Variants in ATP10A observed in about 807,000 individuals in gnomAD.
ATP10A encodes ATPase phospholipid transporting 10A (putative), also known as phospholipid-transporting ATPase VA.
A neutral mutation model predicts 147.8 loss-of-function variants in ATP10A; 111 were observed. The ratio of observed to expected loss-of-function variants is 0.75; its 90% CI spans 0.64 to 0.88. ATP10A has a LOEUF of 0.88. Among genes scored for constraint, ATP10A ranks in the 40% least tolerant of loss-of-function variants. The pLI is 0.00. For missense variants in ATP10A, 1,927 were observed against 1,959.0 expected (o/e 0.98, Z 0.31); for synonymous variants, 875 against 841.6 (o/e 1.04, Z -0.69).
intron 7 of ATP10A, among the ~76,000 whole-genome samples, chr15:25,719,120 G>C (rs1902046135): frequency 6.6e-6 from 1 of 152,178 alleles, no homozygotes; most frequent in South Asian, 2.1e-4. Flanking sequence ...TTTCACCGTG[G>C]ATGAGCAAAA....
chr15:25,677,435 A>G (rs1038548030), downstream of ATP10A: 2 of 151,750 alleles, frequency 1.3e-5, no homozygotes, highest in African/African-American at 4.8e-5. Flanking sequence ...GCAAGCATCT[A>G]CTCTCCAGAG....
rs574302611 is a variant in ATP10A at position 25,800,064 on chromosome 15, G to A, written c.450-18841C>T. On this transcript the variant is annotated intron_variant, in intron 1 of 20. Transcript: ENST00000555815. ...CATTAGACACCAAACTCGCCTGGGG[G>A]CCAGGGTGAGGCAGGAGAGGAGCTC... Among the ~76,000 whole-genome samples the A allele has an allele frequency of 2.0e-4, 31 of 152,334 alleles. No individual in the cohort carries two copies. The South Asian group carries it at 5.2e-3, about 25-fold the overall frequency.
intron 1 of ATP10A, among the ~76,000 whole-genome samples, chr15:25,854,352 A>C (rs778198588): frequency 6.6e-6 from 1 of 152,234 alleles, no homozygotes; most frequent in Non-Finnish European, 1.5e-5. Flanking sequence ...CTACAATGAC[A>C]TCAGTCATGG....
rs1428876859 is a variant in ATP10A at position 25,862,701 on chromosome 15, G to A, written c.396C>T (p.Ser132=). The A allele has an allele frequency of 1.9e-6, 3 of 1,609,290 alleles. No homozygotes were observed. Among genetic ancestry groups the A allele is most frequent in the African/African-American group, 2.7e-5 (2 of 74,972 alleles). The change falls in exon 1 of 21, where the codon AGC becomes AGT. Residue 132 remains serine, a synonymous_variant. Transcript: ENST00000555815. The part of the protein sequence containing the change: ...TAFRDLWEDY[S]RHRSDHKINH... ...TGATCTTGTGGTCGGAGCGGTGGCG[G>A]CTGTAGTCCTCCCACAGGTCCCTGA...
At chr15:25,768,446 C>T (rs560976001) in intron 2 of ATP10A, among the ~76,000 whole-genome samples, 5 of 152,198 alleles carry the variant, frequency 3.3e-5, no homozygotes, top group Admixed American at 3.3e-4. Flanking sequence ...CCATCCTGTC[C>T]ACCCCAAGTG....
intron 10 of ATP10A, among the ~76,000 whole-genome samples, chr15:25,711,133 C>T (rs536643846): frequency 3.3e-5 from 5 of 152,222 alleles, no homozygotes; most frequent in African/African-American, 1.2e-4. Context: ...TGCCTGACAC[C>T]ACACCTGCCA....
chr15:25,790,060 T>C (rs1194519948), intron 1 of ATP10A, among the ~76,000 whole-genome samples: 1 of 152,168 alleles, frequency 6.6e-6, no homozygotes, highest in Non-Finnish European at 1.5e-5. Context: ...GAAACAGCAA[T>C]GGCAAAATCC....
rs768255603 is a variant in ATP10A at position 25,679,905 on chromosome 15, C to A, written c.3936G>T (p.Arg1312Ser). 2 of 1,610,228 alleles carry A rather than the reference C, an allele frequency of 1.2e-6. No homozygotes were observed. The highest frequency in any genetic ancestry group is 1.7e-5 in the Admixed American group (1 of 59,996). ...TQLQLARQLT[R>S]KSPRRCSAPK... ...GAGCACTGCATCTCCTGGGGGACTT[C>A]CTGGTCAACTGACGTGCCAGCTGAA... Residue 1312 changes from arginine (R) to serine (S), a missense_variant, in exon 21 of 21, where the codon AGG becomes AGT. Coordinates refer to ENST00000555815, the MANE Select transcript of ATP10A (RefSeq NM_024490.4).
chr15:25,675,366 AAG>A (rs1899115990), downstream of ATP10A, among the ~76,000 whole-genome samples: 1 of 152,210 alleles, frequency 6.6e-6, no homozygotes, highest in South Asian at 2.1e-4. Context: ...AGTAGTTCGA[AAG>A]TATTTTAGTG....
At chr15:25,836,728 C>T (rs961683734) in intron 1 of ATP10A, among the ~76,000 whole-genome samples, 1 of 152,194 alleles carries the variant, frequency 6.6e-6, no homozygotes, top group Admixed American at 6.5e-5. Context: ...GCTATTGGCT[C>T]ATGGGCACCA....
Position 25,679,813 on chromosome 15 carries a change from G to T in ATP10A, c.4028C>A (p.Thr1343Lys). ...GGACAGGGGCACAGAGGTCTTGACTGTCCTCCCTGATGAGTGCTCGGTTCC... is the reference window on the plus strand; with the variant it reads ...GGACAGGGGCACAGAGGTCTTGACTTTCCTCCCTGATGAGTGCTCGGTTCC... ...DSGTEHSSGR[T>K]VKTSVPLSQP... The change falls in exon 21 of 21, where the codon ACA (threonine) becomes AAA (lysine). Residue 1343 changes from threonine to lysine, a missense_variant. By Grantham distance (78) the Thr-to-Lys change is moderately conservative. Transcript: ENST00000555815. 6.2e-7 allele frequency: 1 copy of T among 1,612,434 alleles called. No individual in the cohort carries two copies.
At chr15:25,849,401 G>C (rs1180619719) in intron 1 of ATP10A, among the ~76,000 whole-genome samples, 1 of 152,180 alleles carries the variant, frequency 6.6e-6, no homozygotes, top group African/African-American at 2.4e-5. Flanking sequence ...GACATCCTTA[G>C]TACAGGACTG....
chr15:25,672,874 G>A (rs748355798), downstream of ATP10A, among the ~76,000 whole-genome samples: 8 of 152,290 alleles, frequency 5.3e-5, no homozygotes, highest in Non-Finnish European at 1.0e-4. Flanking sequence ...AAATCATGGT[G>A]CCTGGGAGGG....
intron 1 of ATP10A, among the ~76,000 whole-genome samples, chr15:25,829,745 G>A (rs865785611): frequency 6.6e-6 from 1 of 152,146 alleles, no homozygotes. Context: ...TCTAAGGCAC[G>A]GCTCGCTCTG....
At chr15:25,799,048 T>C (rs953186360) in intron 1 of ATP10A, among the ~76,000 whole-genome samples, 2 of 152,196 alleles carry the variant, frequency 1.3e-5, no homozygotes, top group African/African-American at 2.4e-5. Context: ...TCCTTCCTCT[T>C]CCCATGCCTG....
intron 10 of ATP10A, chr15:25,710,220 C>A: frequency 6.6e-6 from 1 of 152,408 alleles, no homozygotes; most frequent in Non-Finnish European, 1.5e-5. Flanking sequence ...AATTCTGTGC[C>A]TGGAACTCAG....
chr15:25,700,930 A>C (rs1173320343), intron 13 of ATP10A, among the ~76,000 whole-genome samples: 4 of 108,078 alleles, frequency 3.7e-5, no homozygotes, highest in South Asian at 3.9e-4. Context: ...GAGGTCACTT[A>C]AAAAAAAAAA....
At chr15:25,692,721 T>G (rs1900104316) in intron 14 of ATP10A, among the ~76,000 whole-genome samples, 1 of 152,224 alleles carries the variant, frequency 6.6e-6, no homozygotes, top group South Asian at 2.1e-4. Flanking sequence ...AGATATGGTA[T>G]GCAACGATGC....
In ATP10A at chr15:25,712,617, G is replaced by A. The variant is rs528507723; in HGVS notation, c.2344+1057C>T. Reference sequence around the variant, plus strand: ...TTTTGTGTGGATGTAAACAAGAATCGATTTTCAGAAGAAGCTTCCTAGAAC... The same window carrying A: ...TTTTGTGTGGATGTAAACAAGAATCAATTTTCAGAAGAAGCTTCCTAGAAC... On this transcript the variant is annotated intron_variant, in intron 10 of 20. Transcript: ENST00000555815. Among the ~76,000 whole-genome samples the A allele has an allele frequency of 9.2e-5, 14 of 152,262 alleles. No individual in the cohort carries two copies. The East Asian group carries it at 2.7e-3, about 29-fold the overall frequency.
Sources: allele counts gnomAD v4.1 joint callset (sites outside exome capture counted in the v4.1 genomes callset), GRCh38; gene constraint gnomAD v4.1.1; transcripts MANE v1.5; gene names NCBI Gene and HGNC (gene_info 2026-07-23, HGNC 2026-07-21).